The following GPC6 variants were observed in gnomAD, a reference collection of about 807,000 sequenced individuals.
The protein encoded by GPC6 is glypican-6.
Under a neutral mutation model 55.2 loss-of-function variants are expected in GPC6, and 14 were observed. That is an observed-to-expected ratio of 0.25 (90% CI 0.17 to 0.40). GPC6 has a LOEUF of 0.40. Among genes scored for constraint, GPC6 ranks in the 10% least tolerant of loss-of-function variants. The pLI, the probability that GPC6 is intolerant of heterozygous loss-of-function variation, is 1.00. For missense variants in GPC6, 641 were observed against 708.5 expected (o/e 0.90, Z 1.08); for synonymous variants, 278 against 259.6 (o/e 1.07, Z -0.68).
intron 2 of GPC6, among the ~76,000 whole-genome samples, chr13:93,781,971 T>C (rs927267707): frequency 6.6e-6 from 1 of 152,194 alleles, no homozygotes; most frequent in African/African-American, 2.4e-5. Flanking sequence ...CTACTTTTTT[T>C]AGCTATTTTC....
intron 3 of GPC6, among the ~76,000 whole-genome samples, chr13:94,014,607 T>G (rs988727951): frequency 6.6e-6 from 1 of 152,128 alleles, no homozygotes; most frequent in Non-Finnish European, 1.5e-5. Flanking sequence ...ACTGTTCCCA[T>G]AATCTAATTA....
At chr13:93,850,061 A>G (rs774223776) in intron 3 of GPC6, among the ~76,000 whole-genome samples, 2 of 152,084 alleles carry the variant, frequency 1.3e-5, no homozygotes, top group Non-Finnish European at 2.9e-5. Context: ...GTTGTCATGA[A>G]TGAGCGATTA....
chr13:93,298,930 G>A (rs1287449293), intron 1 of GPC6, among the ~76,000 whole-genome samples: 1 of 151,122 alleles, frequency 6.6e-6, no homozygotes, highest in East Asian at 1.9e-4. Context: ...TAGTCACATG[G>A]TGTCTCATGT....
chr13:93,878,258 G>A (rs983169499), intron 3 of GPC6, among the ~76,000 whole-genome samples: 10 of 151,994 alleles, frequency 6.6e-5, no homozygotes, highest in Admixed American at 6.6e-4. Context: ...CATTTAGGAG[G>A]TAATTAGGCC....
At chr13:93,238,707 A>G (rs1256705243) in intron 1 of GPC6, among the ~76,000 whole-genome samples, 8 of 151,816 alleles carry the variant, frequency 5.3e-5, no homozygotes, top group Admixed American at 5.3e-4. Context: ...CCCCTTCAGT[A>G]TGATGTTCAC....
intron 7 of GPC6, among the ~76,000 whole-genome samples, chr13:94,390,272 G>C (rs7984968): frequency 0.6 from 91,103 of 151,950 alleles, 27,920 homozygotes; most frequent in African/African-American, 0.73. Flanking sequence ...GTGGGGTGTG[G>C]CCCAAAGCAC....
intron 2 of GPC6, among the ~76,000 whole-genome samples, chr13:93,751,541 A>G (rs1884591672): frequency 6.6e-6 from 1 of 151,718 alleles, no homozygotes; most frequent in African/African-American, 2.4e-5. Flanking sequence ...ATTTTTATAG[A>G]GATGGGGTTT....
chr13:93,913,601 C>T (rs1594583178), intron 3 of GPC6, among the ~76,000 whole-genome samples: 1 of 152,128 alleles, frequency 6.6e-6, no homozygotes, highest in East Asian at 1.9e-4. Flanking sequence ...ATTTCTGTTA[C>T]TGAAGGTTTC....
intron 2 of GPC6, among the ~76,000 whole-genome samples, chr13:93,625,254 C>T (rs1443327550): frequency 6.6e-6 from 1 of 152,042 alleles, no homozygotes; most frequent in African/African-American, 2.4e-5. Context: ...ATCTTCTGCC[C>T]TTTATTTTTC....
chr13:94,116,712 G>T (rs1352666201), intron 4 of GPC6, among the ~76,000 whole-genome samples: 1 of 152,028 alleles, frequency 6.6e-6, no homozygotes, highest in Non-Finnish European at 1.5e-5. Context: ...TGAACTCATG[G>T]TCTTTCCTAT....
In GPC6 at chr13:94,252,671, A is replaced by T. The variant is rs149786805; in HGVS notation, c.878-33678A>T. 6.6e-3 allele frequency among the ~76,000 whole-genome samples: 1,003 copies of T among 152,236 alleles called. 12 individuals carry two copies. Among genetic ancestry groups the T allele is most frequent in the African/African-American group, 0.022 (924 of 41,556 alleles). On this transcript the variant is annotated intron_variant, in intron 4 of 8. Coordinates refer to ENST00000377047, the MANE Select transcript of GPC6 (RefSeq NM_005708.5). ...TATCTTTAGTATTAATCATGAGGATAGCTTATATGTTTATAAATTGAATGA... is the reference window on the plus strand; with the variant it reads ...TATCTTTAGTATTAATCATGAGGATTGCTTATATGTTTATAAATTGAATGA...
chr13:93,891,865 T>C (rs1041669326), intron 3 of GPC6, among the ~76,000 whole-genome samples: 8 of 151,984 alleles, frequency 5.3e-5, no homozygotes, highest in African/African-American at 1.7e-4. Context: ...TGTGTATGTG[T>C]ATATATAGTG....
chr13:94,398,676 A>G, intron 8 of GPC6, 35 bp downstream of exon 8: 1 of 1,597,412 alleles, frequency 6.3e-7, no homozygotes, highest in Non-Finnish European at 8.6e-7. Flanking sequence ...GAAATTTTCA[A>G]AGTAAAAAAT....
intron 1 of GPC6, among the ~76,000 whole-genome samples, chr13:93,444,059 C>G (rs1877904249): frequency 6.6e-6 from 1 of 152,066 alleles, no homozygotes; most frequent in Non-Finnish European, 1.5e-5. Flanking sequence ...TCTCAAGATT[C>G]CAGCAGATAA....
At chr13:94,078,924 C>G (rs1053920792) in intron 4 of GPC6, among the ~76,000 whole-genome samples, 3 of 151,766 alleles carry the variant, frequency 2.0e-5, no homozygotes, top group Non-Finnish European at 4.4e-5. Flanking sequence ...GATACCAAAG[C>G]CAAACAAAAA....
At position 93,368,398 on chromosome 13, in the gene GPC6, T is replaced by G. The variant is rs193142319; in HGVS notation, c.160+140782T>G. On this transcript the variant is annotated intron_variant, in intron 1 of 8. Coordinates refer to ENST00000377047, the MANE Select transcript of GPC6 (RefSeq NM_005708.5). Reference sequence around the variant, plus strand: ...CTTCCTTCCTTCCTTCCGTCCTTCCTTCCTTCCTTCCTTCCTTCCATCCTT... The same window carrying G: ...CTTCCTTCCTTCCTTCCGTCCTTCCGTCCTTCCTTCCTTCCTTCCATCCTT... Among the ~76,000 whole-genome samples the G allele has an allele frequency of 5.6e-5, 8 of 141,794 alleles. 1 individual carries two copies. The highest frequency in any genetic ancestry group is 2.2e-4 in the African/African-American group (8 of 36,066). The allele number at this position is 141,794 out of a possible 152,430, so 93.0% of individuals were successfully genotyped here. A position where few individuals can be genotyped will look rare whatever the true frequency, so the allele number is the denominator to read the frequency against.
chr13:93,845,536 A>G (rs1295039843), intron 3 of GPC6, among the ~76,000 whole-genome samples: 1 of 141,166 alleles, frequency 7.1e-6, no homozygotes, highest in African/African-American at 2.7e-5. Context: ...ATGCACATGT[A>G]TGTTTATTGC....
intron 1 of GPC6, among the ~76,000 whole-genome samples, chr13:93,257,672 G>A (rs1219613821): frequency 6.6e-6 from 1 of 152,144 alleles, no homozygotes; most frequent in Non-Finnish European, 1.5e-5. Context: ...TTTTACAGAT[G>A]AGGAAACTGA....
chr13:93,489,723 C>G (rs1164058580), intron 1 of GPC6, among the ~76,000 whole-genome samples: 2 of 151,478 alleles, frequency 1.3e-5, no homozygotes, highest in Non-Finnish European at 2.9e-5. Flanking sequence ...ATTTTATTCT[C>G]TTTGAAGCAA....
Sources: gnomAD v4.1 joint callset for allele counts (sites outside exome capture counted in the v4.1 genomes callset) on GRCh38, gnomAD v4.1.1 for gene constraint, MANE v1.5 for transcripts, NCBI Gene and HGNC (gene_info 2026-07-23, HGNC 2026-07-21) for gene names.